Variants in PELI2 observed in about 807,000 individuals in gnomAD.
PELI2 encodes the protein pellino E3 ubiquitin protein ligase family member 2, also known as E3 ubiquitin-protein ligase pellino homolog 2.
Under a neutral mutation model 42.3 loss-of-function variants are expected in PELI2, and 23 were observed. That is an observed-to-expected ratio of 0.54 (90% CI 0.39 to 0.77). The LOEUF is 0.77. Among genes scored for constraint, PELI2 ranks in the 30% least tolerant of loss-of-function variants. PELI2 has a pLI of 0.00. For missense variants in PELI2, 463 were observed against 553.2 expected (o/e 0.84, Z 1.64); for synonymous variants, 245 against 212.2 (o/e 1.15, Z -1.34).
chr14:56,272,195 A>G (rs1392668369), intron 2 of PELI2, among the ~76,000 whole-genome samples: 2 of 152,250 alleles, frequency 1.3e-5, no homozygotes, highest in African/African-American at 2.4e-5. Context: ...CTGCAGTTCT[A>G]TAATAGTCAA....
chr14:56,135,462 T>G (rs890879085), intron 1 of PELI2, among the ~76,000 whole-genome samples: 1 of 152,250 alleles, frequency 6.6e-6, no homozygotes, highest in African/African-American at 2.4e-5. Context: ...AGATATTTTC[T>G]CTGATAAATA....
intron 1 of PELI2, among the ~76,000 whole-genome samples, chr14:56,139,255 G>C (rs1225805685): frequency 6.6e-6 from 1 of 152,196 alleles, no homozygotes; most frequent in Non-Finnish European, 1.5e-5. Context: ...GGGAGAGGAT[G>C]GGGGAGGAGA....
intron 1 of PELI2, among the ~76,000 whole-genome samples, chr14:56,127,211 T>C (rs906695314): frequency 3.9e-5 from 6 of 152,202 alleles, no homozygotes; most frequent in African/African-American, 1.4e-4. Context: ...AGAACCATGC[T>C]TCTGGCAGAC....
intron 1 of PELI2, among the ~76,000 whole-genome samples, chr14:56,139,382 A>G (rs891593056): frequency 1.1e-4 from 16 of 152,070 alleles, no homozygotes; most frequent in African/African-American, 3.9e-4. Context: ...AAATTGATTG[A>G]TTTTTATATA....
In PELI2 at chr14:56,219,756, C is replaced by T. The variant is rs904875799; in HGVS notation, c.207+41292C>T. Among the ~76,000 whole-genome samples, 7 of 152,278 alleles carry T rather than the reference C, an allele frequency of 4.6e-5. No individual in the cohort carries two copies. The highest frequency in any genetic ancestry group is 9.6e-5 in the African/African-American group (4 of 41,546). On this transcript the variant is annotated intron_variant, in intron 2 of 5. Transcript: ENST00000267460. This position sits in a 1 kb window ranked among gnomAD's most constrained non-coding sequence, Gnocchi z 4.1. Reference sequence around the variant, plus strand: ...TAGGTTGGTAAACTGAAAAATGACACGACATGCCTTGACTCTATTCAGTTA... The same window carrying T: ...TAGGTTGGTAAACTGAAAAATGACATGACATGCCTTGACTCTATTCAGTTA...
At chr14:56,204,902 G>A (rs568427188) in intron 2 of PELI2, among the ~76,000 whole-genome samples, 1 of 151,868 alleles carries the variant, frequency 6.6e-6, no homozygotes, top group Non-Finnish European at 1.5e-5. Flanking sequence ...GTGGTGGCAC[G>A]AGCCTGTAGT....
chr14:56,119,862 G>C (rs1207915205), intron 1 of PELI2: 1 of 984,958 alleles, frequency 1.0e-6, no homozygotes. Flanking sequence ...GGCGCTGATA[G>C]GTAGGCTTAG....
At chr14:56,217,074 CTG>C (rs1197710046) in intron 2 of PELI2, among the ~76,000 whole-genome samples, 1 of 151,828 alleles carries the variant, frequency 6.6e-6, no homozygotes, top group Non-Finnish European at 1.5e-5. Flanking sequence ...TCCAAACAGA[CTG>C]TTGTTTCTAA....
intron 5 of PELI2, 146 bp from the exon 6 acceptor site, chr14:56,296,451 TAGG>T: frequency 1.7e-6 from 1 of 605,538 alleles, no homozygotes; most frequent in Non-Finnish European, 2.9e-6. Context: ...TCGGGGAGGA[TAGG>T]TTACTCCCCC....
At chr14:56,272,897 A>G (rs1889152763) in intron 2 of PELI2, among the ~76,000 whole-genome samples, 1 of 152,220 alleles carries the variant, frequency 6.6e-6, no homozygotes, top group Non-Finnish European at 1.5e-5. Context: ...ACGTACACAC[A>G]GATAACCGTA....
intron 2 of PELI2, among the ~76,000 whole-genome samples, chr14:56,230,230 A>C (rs967585994): frequency 3.3e-5 from 5 of 152,212 alleles, no homozygotes; most frequent in Admixed American, 2.6e-4. Context: ...CCAGCATTCA[A>C]ATTCATGAAA....
intron 2 of PELI2, among the ~76,000 whole-genome samples, chr14:56,222,915 GA>G (rs1479090534): frequency 6.6e-6 from 1 of 152,198 alleles, no homozygotes; most frequent in East Asian, 1.9e-4. Flanking sequence ...TGTTGATGGA[GA>G]AAGGGCAAAG....
chr14:56,124,584 G>C (rs887950245), intron 1 of PELI2, among the ~76,000 whole-genome samples: 1 of 152,136 alleles, frequency 6.6e-6, no homozygotes, highest in Non-Finnish European at 1.5e-5. Flanking sequence ...CCAAATATTT[G>C]AGCATCTGCC....
In PELI2 at chr14:56,279,534, G is replaced by A. The variant is rs970455390; in HGVS notation, c.208-142G>A. 11 of 478,642 alleles carry A rather than the reference G, an allele frequency of 2.3e-5. No individual in the cohort carries two copies. In the Admixed American group the frequency reaches 2.9e-4, roughly 13 times the overall value. The allele number at this position is 478,642 out of a possible 1,614,324, so 29.6% of individuals were successfully genotyped here. On this transcript the variant is annotated intron_variant, in intron 2 of 5. Coordinates refer to ENST00000267460, the MANE Select transcript of PELI2 (RefSeq NM_021255.3). ...GCTTGTCTGTGATTGACGGAATAGAGCATAGGGGAAAAACCTGACTGTGTG... is the reference window on the plus strand; with the variant it reads ...GCTTGTCTGTGATTGACGGAATAGAACATAGGGGAAAAACCTGACTGTGTG...
intron 1 of PELI2, among the ~76,000 whole-genome samples, chr14:56,142,565 C>T (rs1459950912): frequency 6.6e-6 from 1 of 152,188 alleles, no homozygotes; most frequent in East Asian, 1.9e-4. Flanking sequence ...TTTGCATACG[C>T]ATTTACACAT....
At position 56,185,582 on chromosome 14, in the gene PELI2, G is replaced by C. The variant is rs76392181; in HGVS notation, c.207+7118G>C. Among the ~76,000 whole-genome samples, 548 of 152,280 alleles carry C rather than the reference G, an allele frequency of 3.6e-3. 2 individuals are homozygous for C. The highest frequency in any genetic ancestry group is 0.012 in the African/African-American group (509 of 41,568). ...TGTTTAAAGTAGGTTTTAAGATACA[G>C]TATGTTTAAAATTAAAATTTGAGGT... On this transcript the variant is annotated intron_variant, in intron 2 of 5. Coordinates refer to ENST00000267460, the MANE Select transcript of PELI2 (RefSeq NM_021255.3).
At chr14:56,276,675 C>A (rs1443650970) in intron 2 of PELI2, among the ~76,000 whole-genome samples, 2 of 152,204 alleles carry the variant, frequency 1.3e-5, no homozygotes, top group Non-Finnish European at 2.9e-5. Context: ...CCTGCAGTCT[C>A]TTTTCCCACT....
At chr14:56,187,213 C>G (rs1004187212) in intron 2 of PELI2, among the ~76,000 whole-genome samples, 4 of 152,174 alleles carry the variant, frequency 2.6e-5, no homozygotes, top group African/African-American at 9.7e-5. Flanking sequence ...CTCATTTTTC[C>G]ACGTTTCTAT....
intron 2 of PELI2, among the ~76,000 whole-genome samples, chr14:56,189,851 G>C (rs148751916): frequency 7.9e-4 from 121 of 152,328 alleles, no homozygotes; most frequent in African/African-American, 2.8e-3. Flanking sequence ...AATCACAGCA[G>C]TGAAGGTTTA....
Sources: allele counts gnomAD v4.1 joint callset (sites outside exome capture counted in the v4.1 genomes callset), GRCh38; gene constraint gnomAD v4.1.1; non-coding constraint Gnocchi (gnomAD v3.1); transcripts MANE v1.5; gene names NCBI Gene and HGNC (gene_info 2026-07-23, HGNC 2026-07-21).